PCDH9: variants seen among roughly 807,000 people sequenced by gnomAD.
PCDH9 encodes protocadherin 9.
In PCDH9, 24 loss-of-function variants were observed where a neutral mutation model predicts 70.6. The ratio of observed to expected loss-of-function variants is 0.34; its 90% confidence interval spans 0.25 to 0.48. The LOEUF (loss-of-function observed/expected upper bound fraction) is 0.48, where lower values mean the gene tolerates loss of function less well. PCDH9 is among the 20% of genes least tolerant of loss of function. The probability of loss-of-function intolerance (pLI) is 0.99; values close to 1 mark genes in which losing one functional copy is unlikely to be tolerated. For synonymous variants in PCDH9, 562 were observed against 558.5 expected (o/e 1.01, Z -0.09); for missense variants, 1,281 against 1,503.6 (o/e 0.85, Z 2.45).
At chr13:67,098,805 A>C (rs1026109820) in intron 2 of PCDH9, among the ~76,000 whole-genome samples, 6 of 152,196 alleles carry the variant, frequency 3.9e-5, no homozygotes, top group Non-Finnish European at 7.4e-5. Flanking sequence ...GAAATAATGA[A>C]GAAAAGAAAA....
At chr13:66,433,008 T>C (rs1050645523) in intron 4 of PCDH9, among the ~76,000 whole-genome samples, 4 of 151,934 alleles carry the variant, frequency 2.6e-5, no homozygotes, top group Admixed American at 6.6e-5. Flanking sequence ...AAATCCTATA[T>C]AGCATAAATC....
chr13:66,743,506 A>T (rs971482937), intron 3 of PCDH9, among the ~76,000 whole-genome samples: 4 of 150,596 alleles, frequency 2.7e-5, no homozygotes, highest in Non-Finnish European at 5.9e-5. Context: ...AAAAAAAAAA[A>T]ATTTGGAAGA....
At chr13:66,717,671 G>A (rs2139145348) in intron 3 of PCDH9, among the ~76,000 whole-genome samples, 1 of 151,574 alleles carries the variant, frequency 6.6e-6, no homozygotes, top group South Asian at 2.1e-4. Flanking sequence ...AGAGCAAAAT[G>A]TACAATCAGC....
intron 4 of PCDH9, among the ~76,000 whole-genome samples, chr13:66,381,686 A>G (rs1956850870): frequency 2.0e-5 from 3 of 152,236 alleles, no homozygotes; most frequent in Admixed American, 2.0e-4. Context: ...AAAGCAGTCA[A>G]AATTTTAAAC....
chr13:66,993,918 T>C (rs542507120), intron 2 of PCDH9, among the ~76,000 whole-genome samples: 1 of 152,230 alleles, frequency 6.6e-6, no homozygotes, highest in South Asian at 2.1e-4. Flanking sequence ...CTAGTTGGAA[T>C]ACAGAGAGCC....
chr13:66,710,138 T>C (rs1170888836), intron 3 of PCDH9, among the ~76,000 whole-genome samples: 2 of 152,174 alleles, frequency 1.3e-5, no homozygotes, highest in African/African-American at 4.8e-5. Flanking sequence ...ATGAGACTTA[T>C]GGACTGAAAT....
At chr13:66,327,611 C>T (rs2138107399) in intron 4 of PCDH9, among the ~76,000 whole-genome samples, 1 of 152,222 alleles carries the variant, frequency 6.6e-6, no homozygotes, top group South Asian at 2.1e-4. Context: ...GAGCTCTAGA[C>T]TCAATTTTGA....
At chr13:66,439,709 T>G (rs537052542) in intron 4 of PCDH9, among the ~76,000 whole-genome samples, 1 of 152,202 alleles carries the variant, frequency 6.6e-6, no homozygotes, top group Non-Finnish European at 1.5e-5. Flanking sequence ...TTGTTTCATA[T>G]AATTTATTTA....
At chr13:66,647,420 G>A (rs921673220) in intron 3 of PCDH9, among the ~76,000 whole-genome samples, 1 of 152,128 alleles carries the variant, frequency 6.6e-6, no homozygotes, top group Non-Finnish European at 1.5e-5. Context: ...CTAGCTCCCA[G>A]ATGACATTTC....
At chr13:66,527,404 C>T (rs1960263952) in intron 4 of PCDH9, among the ~76,000 whole-genome samples, 1 of 152,098 alleles carries the variant, frequency 6.6e-6, no homozygotes, top group African/African-American at 2.4e-5. Context: ...ACTACTCTGA[C>T]CTACAGGTGA....
chr13:67,102,780 T>C (rs1026581576), intron 2 of PCDH9, among the ~76,000 whole-genome samples: 3 of 152,164 alleles, frequency 2.0e-5, no homozygotes, highest in African/African-American at 7.2e-5. Flanking sequence ...TGAAAGAATA[T>C]GTTACAGATA....
rs77832492 is a variant in PCDH9, at chr13:66,982,435, G to C, written c.3037-78830C>G. On this transcript the variant is annotated intron_variant, in intron 2 of 4. Coordinates refer to ENST00000377865, the MANE Select transcript of PCDH9 (RefSeq NM_203487.3). ...CACTAAAAAGTCATAATTACACCAA[G>C]TATGTAAAAGTAGGCATAGGCAAGT... Among the ~76,000 whole-genome samples the C allele has an allele frequency of 4.7e-4, 71 of 152,270 alleles. No homozygotes were observed. The East Asian group carries it at 0.013, about 28-fold the overall frequency.
chr13:66,432,779 A>G (rs1957795753), intron 4 of PCDH9, among the ~76,000 whole-genome samples: 1 of 152,032 alleles, frequency 6.6e-6, no homozygotes, highest in Admixed American at 6.6e-5. Flanking sequence ...TAGAAAACAA[A>G]AATGATAACA....
intron 3 of PCDH9, among the ~76,000 whole-genome samples, chr13:66,731,295 T>C (rs1284087471): frequency 6.6e-6 from 1 of 152,106 alleles, no homozygotes; most frequent in African/African-American, 2.4e-5. Context: ...CATGGTTATA[T>C]AAAGGATTGG....
chr13:66,927,240 T>C (rs1392828296), intron 2 of PCDH9, among the ~76,000 whole-genome samples: 4 of 152,010 alleles, frequency 2.6e-5, no homozygotes, highest in African/African-American at 9.7e-5. Context: ...GATCATGTTC[T>C]TTGCAGGGAC....
intron 2 of PCDH9, among the ~76,000 whole-genome samples, chr13:67,001,686 G>C (rs2084248047): frequency 6.6e-6 from 1 of 152,152 alleles, no homozygotes; most frequent in Non-Finnish European, 1.5e-5. Flanking sequence ...GGGGCAGAGG[G>C]GACGGCAGAG....
intron 2 of PCDH9, chr13:67,221,366 T>C (rs2138116930): frequency 6.6e-6 from 1 of 152,198 alleles, no homozygotes; most frequent in Non-Finnish European, 1.5e-5. Context: ...AAATGTAATA[T>C]AGTATCTCTA....
intron 2 of PCDH9, among the ~76,000 whole-genome samples, chr13:67,181,260 T>C (rs571091884): frequency 3.0e-4 from 45 of 152,262 alleles, no homozygotes; most frequent in Middle Eastern, 3.4e-3. Flanking sequence ...TTGCATATAG[T>C]GCAAATAATT....
chr13:67,040,687 A>C (rs1007264097), intron 2 of PCDH9, among the ~76,000 whole-genome samples: 1 of 151,832 alleles, frequency 6.6e-6, no homozygotes, highest in Non-Finnish European at 1.5e-5. Flanking sequence ...ATTTAGGTTA[A>C]AAAAAATATA....
Sources: gnomAD v4.1 joint callset for allele counts (sites outside exome capture counted in the v4.1 genomes callset) on GRCh38, gnomAD v4.1.1 for gene constraint, MANE v1.5 for transcripts, NCBI Gene and HGNC (gene_info 2026-07-23, HGNC 2026-07-21) for gene names.